The following FHAD1 variants were observed in gnomAD, a reference collection of about 807,000 sequenced individuals.
FHAD1 encodes the protein forkhead associated phosphopeptide binding domain 1.
FHAD1 carries 146 observed loss-of-function variants against 191.3 expected under a neutral mutation model. That is an observed-to-expected ratio of 0.76 (90% CI 0.67 to 0.88). The LOEUF is 0.88. FHAD1 is among the 40% of genes least tolerant of loss of function. The pLI is 0.00. For synonymous variants in FHAD1, 616 were observed against 672.3 expected (o/e 0.92, Z 1.29); for missense variants, 1,635 against 1,785.8 (o/e 0.92, Z 1.52).
rs1680275502 is a variant in FHAD1 at position 15,329,295 on chromosome 1, G to T, written c.1711-51G>T. The T allele has an allele frequency of 2.5e-5, 36 of 1,446,172 alleles. No homozygotes were observed. The highest frequency in any genetic ancestry group is 3.2e-5 in the Non-Finnish European group (34 of 1,072,656). The allele number at this position is 1,446,172 out of a possible 1,614,324, so 89.6% of individuals were successfully genotyped here. A position where few individuals can be genotyped will look rare whatever the true frequency, so the allele number is the denominator to read the frequency against. Reference sequence around the variant, plus strand: ...CTGTTCCTCGAAGGTCACGTCAGGGGCTATTTCTGGCCACAGGGCCTGGGC... The same window carrying T: ...CTGTTCCTCGAAGGTCACGTCAGGGTCTATTTCTGGCCACAGGGCCTGGGC... On this transcript the variant is annotated intron_variant, in intron 13 of 33. Transcript: ENST00000688493. The surrounding 1 kb of genome is among the most constrained non-coding windows in gnomAD (Gnocchi z 5.0).
At chr1:15,273,553 T>C (rs10927757) in intron 3 of FHAD1, among the ~76,000 whole-genome samples, 89,239 of 151,872 alleles carry the variant, frequency 0.59, 26,656 homozygotes, top group East Asian at 0.88. Flanking sequence ...GCATAAACCC[T>C]GCCCATTTTA....
At chr1:15,340,947 T>C (rs2479085) in intron 15 of FHAD1, among the ~76,000 whole-genome samples, 21,790 of 152,034 alleles carry the variant, frequency 0.14, 2,655 homozygotes, top group African/African-American at 0.33. Context: ...TTTGGGAGGC[T>C]GAGGCGGGTG....
intron 6 of FHAD1, among the ~76,000 whole-genome samples, chr1:15,302,057 C>G (rs1292476534): frequency 6.6e-6 from 1 of 152,138 alleles, no homozygotes; most frequent in East Asian, 1.9e-4. Context: ...CCCAGAGACA[C>G]CCAGGAACTG....
chr1:15,277,258 C>T (rs1658737831), intron 3 of FHAD1, among the ~76,000 whole-genome samples: 1 of 152,184 alleles, frequency 6.6e-6, no homozygotes, highest in Admixed American at 6.5e-5. Context: ...TAAAGAGTGC[C>T]CATATGCCTG....
At chr1:15,393,544 C>T (rs1339071378) in intron 33 of FHAD1, among the ~76,000 whole-genome samples, 1 of 151,384 alleles carries the variant, frequency 6.6e-6, no homozygotes, top group East Asian at 1.9e-4. Context: ...GGCTGAGAAA[C>T]ACAGAGTTAG....
chr1:15,313,321 T>TG (rs1329803821), intron 8 of FHAD1, 134 bp downstream of exon 8: 34 of 11,366 alleles, frequency 3.0e-3, no homozygotes, highest in African/African-American at 4.9e-3. Context: ...ACCATTGTGC[T>TG]GGGGGCGGGG....
chr1:15,272,201 T>C, intron 2 of FHAD1, 122 bp from the exon 3 acceptor site: 1 of 890,498 alleles, frequency 1.1e-6, no homozygotes, highest in Non-Finnish European at 1.7e-6. Context: ...CTCCTCCTTT[T>C]AAAATGAGGA....
At position 15,325,321 on chromosome 1, in the gene FHAD1, G is replaced by A. The variant is rs986332896; in HGVS notation, c.1473+762G>A. 1 of 151,490 alleles carries A rather than the reference G, an allele frequency of 6.6e-6. No individual in the cohort carries two copies. Among genetic ancestry groups the A allele is most frequent in the Non-Finnish European group, 1.5e-5 (1 of 67,956 alleles). The allele number at this position is 151,490 out of a possible 1,614,324, so 9.4% of individuals were successfully genotyped here. A position where few individuals can be genotyped will look rare whatever the true frequency, so the allele number is the denominator to read the frequency against. On this transcript the variant is annotated intron_variant, in intron 11 of 33. Transcript: ENST00000688493. The surrounding 1 kb of genome is among the most constrained non-coding windows in gnomAD (Gnocchi z 4.6). ...TCCACAGAATGGTTTGCACACACAC[G>A]TGTGTGTGCGTGTGTGTGTGTGTAT...
rs568183746 is a variant in FHAD1 at position 15,313,433 on chromosome 1, C to T, written c.1170+246C>T. ...GCACCTTTTCAAAGATCGGCGTGCA[C>T]GTGCCCCAGAATAAGCAAGATGTAG... On this transcript the variant is annotated intron_variant, in intron 8 of 33. Transcript: ENST00000688493. Among the ~76,000 whole-genome samples, 155 of 152,274 alleles carry T rather than the reference C, an allele frequency of 1.0e-3. 2 individuals are homozygous for T. The highest frequency in any genetic ancestry group is 7.9e-3 in the South Asian group (38 of 4,832).
chr1:15,283,210 C>A (rs77885430), intron 3 of FHAD1, among the ~76,000 whole-genome samples: 4 of 152,152 alleles, frequency 2.6e-5, no homozygotes, highest in East Asian at 1.9e-4. Flanking sequence ...CATGGCAATG[C>A]GAAACTGACA....
chr1:15,318,070 C>T lies in FHAD1; in HGVS notation c.1365+142C>T. The T allele has an allele frequency of 1.7e-6, 1 of 596,434 alleles. No individual in the cohort carries two copies. 36.9% of individuals were successfully genotyped at this position (596,434 alleles called of 1,614,324 possible). Reference sequence around the variant, plus strand: ...CTGAGGCTCACACAGGGACAGGGACCAGGTTCACTGCATAAAGTAGTTGTG... The same window carrying T: ...CTGAGGCTCACACAGGGACAGGGACTAGGTTCACTGCATAAAGTAGTTGTG... On this transcript the variant is annotated intron_variant, in intron 10 of 33. Transcript: ENST00000688493. This position sits in a 1 kb window ranked among gnomAD's most constrained non-coding sequence, Gnocchi z 4.1.
chr1:15,360,840 T>C, intron 22 of FHAD1, 137 bp downstream of exon 22: 1 of 733,032 alleles, frequency 1.4e-6, no homozygotes, highest in East Asian at 2.7e-5. Context: ...GGCCCCCTTT[T>C]GTTCTTGTTA....
intron 19 of FHAD1, among the ~76,000 whole-genome samples, chr1:15,350,538 A>C (rs1690500489): frequency 6.6e-6 from 1 of 152,216 alleles, no homozygotes; most frequent in South Asian, 2.1e-4. Flanking sequence ...GCGCAGTGGA[A>C]GGAAATAGGT....
intron 12 of FHAD1, 46 bp from the exon 13 acceptor site, chr1:15,328,231 T>C: frequency 1.4e-6 from 2 of 1,417,924 alleles, no homozygotes; most frequent in Non-Finnish European, 1.9e-6. Flanking sequence ...CCCACCCCTG[T>C]ATGTTACATC....
intron 1 of FHAD1, among the ~76,000 whole-genome samples, chr1:15,238,742 G>A (rs901569698): frequency 5.9e-5 from 9 of 152,152 alleles, no homozygotes; most frequent in Non-Finnish European, 8.8e-5. Context: ...TCCAATCAAA[G>A]AGGCTCTTAA....
intron 7 of FHAD1, among the ~76,000 whole-genome samples, chr1:15,310,525 A>T (rs142144942): frequency 3.7e-4 from 57 of 152,268 alleles, no homozygotes; most frequent in African/African-American, 1.1e-3. Flanking sequence ...AGTCAGACAG[A>T]CCTGGGCTCA....
chr1:15,306,954 C>T (rs924077106), intron 6 of FHAD1, among the ~76,000 whole-genome samples: 4 of 152,186 alleles, frequency 2.6e-5, no homozygotes, highest in Admixed American at 1.3e-4. Flanking sequence ...CCTCCAGACC[C>T]CAGAATGGTA....
At chr1:15,305,009 G>A (rs1420606013) in intron 6 of FHAD1, among the ~76,000 whole-genome samples, 2 of 152,198 alleles carry the variant, frequency 1.3e-5, no homozygotes, top group Non-Finnish European at 2.9e-5. Context: ...GCAACACGAT[G>A]AGATGATTAA....
At chr1:15,285,146 C>T (rs1661984915) in intron 3 of FHAD1, among the ~76,000 whole-genome samples, 1 of 152,194 alleles carries the variant, frequency 6.6e-6, no homozygotes, top group South Asian at 2.1e-4. Flanking sequence ...CTGAGAAAAC[C>T]TTGACCTTGC....
Sources: allele counts gnomAD v4.1 joint callset (sites outside exome capture counted in the v4.1 genomes callset), GRCh38; gene constraint gnomAD v4.1.1; non-coding constraint Gnocchi (gnomAD v3.1); transcripts MANE v1.5; gene names NCBI Gene and HGNC (gene_info 2026-07-23, HGNC 2026-07-21).